Variants in ENTPD1 observed in about 807,000 individuals in gnomAD.
ENTPD1 encodes ectonucleoside triphosphate diphosphohydrolase 1, also known as ATP diphosphohydrolase.
A neutral mutation model predicts 57.0 loss-of-function variants in ENTPD1; 33 were observed. That is an observed-to-expected ratio of 0.58 (90% CI 0.44 to 0.77). ENTPD1 has a LOEUF of 0.77. Among genes scored for constraint, ENTPD1 ranks in the 30% least tolerant of loss-of-function variants. The pLI is 0.00. For missense variants in ENTPD1, 501 were observed against 603.4 expected (o/e 0.83, Z 1.78); for synonymous variants, 202 against 218.8 (o/e 0.92, Z 0.68).
rs186204716 is a variant in ENTPD1, at chr10:95,855,754, G to A, written c.1075-4715G>A. ...GAAAATTCTTTTCTTTAAGAATGTT[G>A]AATATTGGCTACCACTCTCTTCTGG... is the stretch of plus-strand genomic sequence containing the variant. On this transcript the variant is annotated intron_variant, in intron 7 of 9. Transcript: ENST00000371205. Among the ~76,000 whole-genome samples the A allele has an allele frequency of 3.4e-3, 515 of 152,284 alleles. 2 individuals are homozygous for A. Among genetic ancestry groups the A allele is most frequent in the African/African-American group, 0.012 (487 of 41,554 alleles).
In ENTPD1 at chr10:95,866,701, T is replaced by C; in HGVS notation, c.*318T>C. 1 of 1,193,168 alleles carries C rather than the reference T, an allele frequency of 8.4e-7. No individual in the cohort carries two copies. Among genetic ancestry groups the C allele is most frequent in the South Asian group, 1.7e-5 (1 of 59,282 alleles). 73.9% of individuals were successfully genotyped at this position (1,193,168 alleles called of 1,614,324 possible). A position where few individuals can be genotyped will look rare whatever the true frequency, so the allele number is the denominator to read the frequency against. On this transcript the variant is annotated 3_prime_UTR_variant, in exon 10 of 10. Coordinates refer to ENST00000371205, the MANE Select transcript of ENTPD1 (RefSeq NM_001776.6). The stretch of plus-strand genomic sequence containing the variant: ...CTTTATAAAAGAACAATATTGACTT[T>C]GTCTAGAAGAACTGAGAGTCTTGAG...
intron 3 of ENTPD1, among the ~76,000 whole-genome samples, chr10:95,841,789 G>C (rs1193306829): frequency 2.0e-5 from 3 of 152,188 alleles, no homozygotes; most frequent in Admixed American, 1.3e-4. Context: ...TAGGGAGGCA[G>C]GATATCGGAG....
At chr10:95,850,959 T>A (rs1287451766) in intron 7 of ENTPD1, among the ~76,000 whole-genome samples, 1 of 152,186 alleles carries the variant, frequency 6.6e-6, no homozygotes, top group Non-Finnish European at 1.5e-5. Flanking sequence ...TTGGTAAATA[T>A]GGTATTAAAA....
At chr10:95,742,677 T>C (rs2098001742) in intron 1 of ENTPD1, among the ~76,000 whole-genome samples, 1 of 152,178 alleles carries the variant, frequency 6.6e-6, no homozygotes, top group African/African-American at 2.4e-5. Flanking sequence ...TAACTTTGCT[T>C]TGCTGGATGT....
intron 1 of ENTPD1, among the ~76,000 whole-genome samples, chr10:95,802,108 T>G (rs2098252132): frequency 6.6e-6 from 1 of 152,174 alleles, no homozygotes; most frequent in African/African-American, 2.4e-5. Context: ...GTTTTATATA[T>G]TTTAGAGAGG....
chr10:95,707,831 C>G (rs1044332004), upstream of ENTPD1, among the ~76,000 whole-genome samples: 1 of 152,198 alleles, frequency 6.6e-6, no homozygotes, highest in Non-Finnish European at 1.5e-5. Flanking sequence ...TCTTGAACTC[C>G]TGACCTCAAG....
rs1590156975 is a variant in ENTPD1 at position 95,851,779 on chromosome 10, A to C, written c.1074+4073A>C. 4.6e-5 allele frequency among the ~76,000 whole-genome samples: 7 copies of C among 152,184 alleles called. No individual in the cohort carries two copies. The South Asian group carries it at 1.0e-3, about 23-fold the overall frequency. ...TGAACTCATCATTTTTTATGGCTGC[A>C]TAGTATTCCATGGTGTATATGTGCC... On this transcript the variant is annotated intron_variant, in intron 7 of 9. Coordinates refer to ENST00000371205, the MANE Select transcript of ENTPD1 (RefSeq NM_001776.6).
At chr10:95,824,303 A>G (rs1337302453) in intron 2 of ENTPD1, among the ~76,000 whole-genome samples, 1 of 152,252 alleles carries the variant, frequency 6.6e-6, no homozygotes, top group East Asian at 1.9e-4. Flanking sequence ...ATACATGTGT[A>G]GAAGTATATT....
intron 1 of ENTPD1, among the ~76,000 whole-genome samples, chr10:95,757,501 G>C (rs1423834373): frequency 6.6e-6 from 1 of 152,140 alleles, no homozygotes; most frequent in African/African-American, 2.4e-5. Flanking sequence ...GCAAATCCTT[G>C]AAGCTACTGG....
intron 1 of ENTPD1, among the ~76,000 whole-genome samples, chr10:95,738,950 C>A (rs2097997410): frequency 6.6e-6 from 1 of 151,966 alleles, no homozygotes; most frequent in Admixed American, 6.6e-5. Flanking sequence ...TCCAGACCAC[C>A]ACAATAAAGC....
chr10:95,860,400 G>T, intron 7 of ENTPD1, 69 bp from the exon 8 acceptor site: 1 of 1,283,316 alleles, frequency 7.8e-7, no homozygotes, highest in Non-Finnish European at 1.1e-6. Context: ...AAGGGATGCG[G>T]CCTTTAGGAG....
At chr10:95,744,751 T>G (rs1326091929) in intron 1 of ENTPD1, among the ~76,000 whole-genome samples, 1 of 152,222 alleles carries the variant, frequency 6.6e-6, no homozygotes, top group Non-Finnish European at 1.5e-5. Flanking sequence ...TCCCTTGACT[T>G]CCTGAATAAT....
chr10:95,797,224 G>A (rs1437710807), intron 1 of ENTPD1, among the ~76,000 whole-genome samples: 3 of 152,114 alleles, frequency 2.0e-5, no homozygotes, highest in Non-Finnish European at 4.4e-5. Context: ...CCAATTATGC[G>A]AAAAGATTAA....
At chr10:95,770,859 A>G (rs551307785) in intron 1 of ENTPD1, among the ~76,000 whole-genome samples, 6 of 152,348 alleles carry the variant, frequency 3.9e-5, no homozygotes, top group Non-Finnish European at 7.4e-5. Flanking sequence ...AGACTTAAAT[A>G]TCCTCAAATC....
chr10:95,707,448 C>A (rs1415550683), upstream of ENTPD1, among the ~76,000 whole-genome samples: 1 of 152,230 alleles, frequency 6.6e-6, no homozygotes, highest in African/African-American at 2.4e-5. Context: ...GGCCTCCCTG[C>A]TGCAGCTAGT....
chr10:95,857,203 A>G (rs1432635278), intron 7 of ENTPD1, among the ~76,000 whole-genome samples: 1 of 152,228 alleles, frequency 6.6e-6, no homozygotes, highest in Non-Finnish European at 1.5e-5. Flanking sequence ...GGCATGGACC[A>G]GGAGGCCCTG....
At chr10:95,835,045 T>C (rs2098406376) in intron 2 of ENTPD1, among the ~76,000 whole-genome samples, 1 of 152,208 alleles carries the variant, frequency 6.6e-6, no homozygotes, top group Admixed American at 6.5e-5. Flanking sequence ...GTCACCCAAG[T>C]AGTGAACATA....
Position 95,866,581 on chromosome 10 carries a change from CTG to C in ENTPD1, c.*200_*201del, listed in dbSNP as rs111437095. On this transcript the variant is annotated 3_prime_UTR_variant, in exon 10 of 10. Transcript: ENST00000371205. Reference sequence around the variant, plus strand: ...TTTGCCTCAAGGACTTCGGCAGATACTGTCTCTTTCATGAGTTTTTCCCAGCT... The same window carrying C: ...TTTGCCTCAAGGACTTCGGCAGATACTCTCTTTCATGAGTTTTTCCCAGCT... 65 of 1,432,350 alleles carry C rather than the reference CTG, an allele frequency of 4.5e-5. 1 individual carries two copies. In the African/African-American group the frequency reaches 6.4e-4, roughly 14 times the overall value. The allele number at this position is 1,432,350 out of a possible 1,614,324, so 88.7% of individuals were successfully genotyped here. A position where few individuals can be genotyped will look rare whatever the true frequency, so the allele number is the denominator to read the frequency against.
chr10:95,856,166 T>C (rs988451824), intron 7 of ENTPD1, among the ~76,000 whole-genome samples: 1 of 152,130 alleles, frequency 6.6e-6, no homozygotes, highest in African/African-American at 2.4e-5. Context: ...AAACTTCCCT[T>C]CTCACTTCAA....
Sources: allele counts gnomAD v4.1 joint callset (sites outside exome capture counted in the v4.1 genomes callset), GRCh38; gene constraint gnomAD v4.1.1; transcripts MANE v1.5; gene names NCBI Gene and HGNC (gene_info 2026-07-23, HGNC 2026-07-21).